The following PAK1 variants were observed in gnomAD, a reference collection of about 807,000 sequenced individuals.
PAK1 encodes serine/threonine-protein kinase PAK 1.
Under a neutral mutation model 67.4 loss-of-function variants are expected in PAK1, and 29 were observed. That is an observed-to-expected ratio of 0.43 (90% CI 0.32 to 0.59). The LOEUF (loss-of-function observed/expected upper bound fraction) is 0.59, where lower values mean the gene tolerates loss of function less well. Among genes scored for constraint, PAK1 ranks in the 20% least tolerant of loss-of-function variants. The probability of loss-of-function intolerance (pLI) is 0.07; values close to 1 mark genes in which losing one functional copy is unlikely to be tolerated. For synonymous variants in PAK1, 223 were observed against 237.4 expected (o/e 0.94, Z 0.56); for missense variants, 337 against 670.7 (o/e 0.50, Z 5.50).
chr11:77,485,371 A>C, the PAK1 span, among the ~76,000 whole-genome samples: 1 of 152,196 alleles, frequency 6.6e-6, no homozygotes, highest in African/African-American at 2.4e-5. Context: ...TGGATACCTC[A>C]TTTACACTGG....
At chr11:77,469,886 C>T (rs543211980) in intron 1 of PAK1, among the ~76,000 whole-genome samples, 15 of 151,722 alleles carry the variant, frequency 9.9e-5, no homozygotes, top group East Asian at 3.9e-4. Flanking sequence ...GTATATAATT[C>T]GTAATAATCA....
rs1214138609 is a variant in PAK1 at position 77,363,266 on chromosome 11, T to C, written c.478-4249A>G. On this transcript the variant is annotated intron_variant, in intron 5 of 14. Coordinates refer to ENST00000356341, the MANE Select transcript of PAK1 (RefSeq NM_002576.5). ...ATGCAAACAGATTGAAAATGGCCAC[T>C]GAAATGTGACAACCCAACCCAGAGA... Among the ~76,000 whole-genome samples, 5 of 152,098 alleles carry C rather than the reference T, an allele frequency of 3.3e-5. No individual in the cohort carries two copies. In the East Asian group the frequency reaches 9.7e-4, roughly 29 times the overall value.
In PAK1 at chr11:77,386,869, G is replaced by A. The variant is rs193236097; in HGVS notation, c.190+5462C>T. 8.4e-3 allele frequency among the ~76,000 whole-genome samples: 1,280 copies of A among 152,090 alleles called. 26 individuals carry two copies. Among genetic ancestry groups the A allele is most frequent in the African/African-American group, 0.029 (1,220 of 41,466 alleles). On this transcript the variant is annotated intron_variant, in intron 2 of 14. Transcript: ENST00000356341. ...GCTCACTGCAACCTCTGCCTCCTGG[G>A]TTCAAGCAATTCTCCTGCCTCAGCC...
At chr11:77,344,152 G>C (rs1171869629) in intron 9 of PAK1, among the ~76,000 whole-genome samples, 1 of 152,080 alleles carries the variant, frequency 6.6e-6, no homozygotes, top group Admixed American at 6.6e-5. Flanking sequence ...AAAAACCTCG[G>C]GTCCCACCCC....
chr11:77,398,417 T>A (rs1253897251), intron 1 of PAK1, among the ~76,000 whole-genome samples: 1 of 152,226 alleles, frequency 6.6e-6, no homozygotes, highest in East Asian at 1.9e-4. Context: ...TCCAGTTCCA[T>A]CCACGTTGTT....
chr11:77,437,257 G>A (rs976388874), intron 1 of PAK1, among the ~76,000 whole-genome samples: 2 of 152,030 alleles, frequency 1.3e-5, no homozygotes, highest in African/African-American at 4.8e-5. Flanking sequence ...ATAACATATA[G>A]GTCAGGTACT....
At chr11:77,477,766 A>G (rs188335968), upstream of PAK1, among the ~76,000 whole-genome samples, 25 of 152,046 alleles carry the variant, frequency 1.6e-4, no homozygotes, top group East Asian at 4.3e-3. Flanking sequence ...AAAACAAAAC[A>G]AAAAACAAGA....
intron 5 of PAK1, among the ~76,000 whole-genome samples, chr11:77,369,444 C>CTTTTTTTTTTTTT (rs147630042): frequency 6.9e-5 from 6 of 86,728 alleles, no homozygotes; most frequent in East Asian, 3.3e-4. Context: ...TTATACATTT[C>CTTTTTTTTTTTTT]TTTTTTTTTT....
At position 77,398,984 on chromosome 11, in the gene PAK1, T is replaced by C. The variant is rs1592252372; in HGVS notation, c.-21-6443A>G. On this transcript the variant is annotated intron_variant, in intron 1 of 14. Coordinates refer to ENST00000356341, the MANE Select transcript of PAK1 (RefSeq NM_002576.5). ...GCCAGAAAAGATAAATGAATTCTTA[T>C]TCCTCCAATCAAAAAAATATAAACA... 5.3e-5 allele frequency among the ~76,000 whole-genome samples: 8 copies of C among 152,330 alleles called. No individual in the cohort carries two copies. In the South Asian group the frequency reaches 1.7e-3, roughly 32 times the overall value.
At chr11:77,448,148 G>A (rs969307696) in intron 1 of PAK1, among the ~76,000 whole-genome samples, 6 of 152,178 alleles carry the variant, frequency 3.9e-5, no homozygotes, top group Non-Finnish European at 8.8e-5. Context: ...TGTGAGATCA[G>A]AAATTAATCA....
intron 1 of PAK1, among the ~76,000 whole-genome samples, chr11:77,472,962 G>A (rs907976322): frequency 2.0e-5 from 3 of 152,074 alleles, no homozygotes; most frequent in Non-Finnish European, 4.4e-5. Flanking sequence ...ACGTAATAAT[G>A]AACATAAAAT....
At chr11:77,411,698 A>T (rs1954559684) in intron 1 of PAK1, 1 of 152,232 alleles carries the variant, frequency 6.6e-6, no homozygotes, top group Admixed American at 6.5e-5. Context: ...ACCCCGTGTC[A>T]CCACTCTCCG....
At chr11:77,504,239 A>G in the PAK1 span, among the ~76,000 whole-genome samples, 1 of 152,286 alleles carries the variant, frequency 6.6e-6, no homozygotes, top group East Asian at 1.9e-4. Context: ...TTAGTTTGTT[A>G]ATATAAATAG....
chr11:77,493,017 A>T, the PAK1 span, among the ~76,000 whole-genome samples: 1 of 152,046 alleles, frequency 6.6e-6, no homozygotes, highest in East Asian at 1.9e-4. Flanking sequence ...TTTCTTTATA[A>T]ATTACCCAGT....
At chr11:77,324,940 C>T (rs1939429057) in intron 14 of PAK1, among the ~76,000 whole-genome samples, 1 of 152,120 alleles carries the variant, frequency 6.6e-6, no homozygotes, top group Non-Finnish European at 1.5e-5. Context: ...ATAAAAGATC[C>T]TAGCTAAATC....
chr11:77,340,360 G>C (rs1943410503), intron 11 of PAK1, among the ~76,000 whole-genome samples: 1 of 152,058 alleles, frequency 6.6e-6, no homozygotes, highest in Non-Finnish European at 1.5e-5. Context: ...ACGTGCTTAG[G>C]CAAGTGGTTA....
chr11:77,488,724 A>T, the PAK1 span, among the ~76,000 whole-genome samples: 14 of 152,130 alleles, frequency 9.2e-5, no homozygotes, highest in Admixed American at 9.2e-4. Context: ...GCTTGAAGAC[A>T]GGCTATTTGA....
At chr11:77,403,940 A>G (rs888537944) in intron 1 of PAK1, among the ~76,000 whole-genome samples, 2 of 152,118 alleles carry the variant, frequency 1.3e-5, no homozygotes, top group Non-Finnish European at 2.9e-5. Context: ...ATAGGAGTAA[A>G]TTAGTTATCA....
chr11:77,446,114 C>A (rs1565708642), intron 1 of PAK1, among the ~76,000 whole-genome samples: 1 of 152,194 alleles, frequency 6.6e-6, no homozygotes, highest in Non-Finnish European at 1.5e-5. Context: ...GGGTCTAGCA[C>A]TAGCATGCAG....
Sources: allele counts gnomAD v4.1 joint callset (sites outside exome capture counted in the v4.1 genomes callset), GRCh38; gene constraint gnomAD v4.1.1; transcripts MANE v1.5; gene names NCBI Gene and HGNC (gene_info 2026-07-23, HGNC 2026-07-21).